DAPK1: variants seen among roughly 807,000 people sequenced by gnomAD.
The protein encoded by DAPK1 is death associated protein kinase 1.
In DAPK1, 56 loss-of-function variants were observed where a neutral mutation model predicts 144.9. The observed-to-expected ratio is 0.39, with a 90% CI of 0.31 to 0.48. DAPK1 has a LOEUF of 0.48. Among genes scored for constraint, DAPK1 ranks in the 20% least tolerant of loss-of-function variants. The probability of loss-of-function intolerance (pLI) is 0.95; values close to 1 mark genes in which losing one functional copy is unlikely to be tolerated. For synonymous variants in DAPK1, 690 were observed against 749.0 expected (o/e 0.92, Z 1.29); for missense variants, 1,454 against 1,875.4 (o/e 0.78, Z 4.15).
At chr9:87,603,516 G>T (rs1433161984) in intron 2 of DAPK1, among the ~76,000 whole-genome samples, 1 of 152,074 alleles carries the variant, frequency 6.6e-6, no homozygotes, top group African/African-American at 2.4e-5. Context: ...CTTCTTCACT[G>T]GCCTCCTACT....
At chr9:87,524,186 G>T (rs2118276268) in intron 2 of DAPK1, among the ~76,000 whole-genome samples, 1 of 152,296 alleles carries the variant, frequency 6.6e-6, no homozygotes, top group African/African-American at 2.4e-5. Context: ...GCCTCTCCCT[G>T]GGGGAAGGGG....
intron 9 of DAPK1, 53 bp from the exon 10 acceptor site, chr9:87,641,916 C>A: frequency 1.4e-6 from 2 of 1,447,324 alleles, no homozygotes; most frequent in Non-Finnish European, 1.9e-6. Context: ...TGTCATATAA[C>A]ACATTTTCAT....
intron 2 of DAPK1, among the ~76,000 whole-genome samples, chr9:87,571,535 C>T (rs36036435): frequency 0.054 from 3,962 of 73,754 alleles, 119 homozygotes; most frequent in Middle Eastern, 0.15. Flanking sequence ...ACACCAGAAG[C>T]GAAGCAGGCG....
chr9:87,628,034 G>T (rs1329677186), intron 3 of DAPK1, among the ~76,000 whole-genome samples: 1 of 152,160 alleles, frequency 6.6e-6, no homozygotes, highest in East Asian at 1.9e-4. Context: ...CCAGGCTACT[G>T]CCTGCAGTGC....
At chr9:87,663,903 T>C (rs36215393) in intron 18 of DAPK1, among the ~76,000 whole-genome samples, 3,524 of 152,062 alleles carry the variant, frequency 0.023, 121 homozygotes, top group African/African-American at 0.066. Context: ...CTCACCTATT[T>C]GCATCTAGCC....
intron 2 of DAPK1, among the ~76,000 whole-genome samples, chr9:87,599,743 C>T (rs1292554987): frequency 2.0e-5 from 3 of 152,166 alleles, no homozygotes; most frequent in Admixed American, 6.5e-5. Context: ...GTACAGTTGA[C>T]TTTCATTATG....
At chr9:87,528,635 T>C (rs749997640) in intron 2 of DAPK1, among the ~76,000 whole-genome samples, 7 of 152,018 alleles carry the variant, frequency 4.6e-5, no homozygotes, top group Non-Finnish European at 1.0e-4. Context: ...GAAGCCAAAC[T>C]GACCTTCCTA....
At position 87,605,045 on chromosome 9, in the gene DAPK1, A is replaced by C; in HGVS notation, c.154A>C (p.Ser52Arg). ...CATCAAGAAAAGGAGGACTAAGTCC[A>C]GCCGGCGGGGTGTGAGCCGCGAGGA... ...KFIKKRRTKS[S>R]RRGVSREDIE... Residue 52 changes from serine (S) to arginine (R), a missense_variant, in exon 3 of 26, where the codon AGC becomes CGC. Ser to Arg is a moderately radical substitution (Grantham distance 110). This residue lies in a region of DAPK1 where 429 missense variants were observed against 637.5 expected (regional missense o/e 0.67). Transcript: ENST00000408954. The C allele has an allele frequency of 6.2e-7, 1 of 1,614,260 alleles. No homozygotes were observed. Among genetic ancestry groups the C allele is most frequent in the East Asian group, 2.2e-5 (1 of 44,880 alleles).
intron 2 of DAPK1, among the ~76,000 whole-genome samples, chr9:87,603,808 C>T (rs1384515024): frequency 1.3e-5 from 2 of 152,140 alleles, no homozygotes; most frequent in Non-Finnish European, 2.9e-5. Flanking sequence ...TCAGTGGGGC[C>T]TGTGTACCTC....
chr9:87,670,124 A>C (rs1831206265), intron 19 of DAPK1, among the ~76,000 whole-genome samples: 1 of 152,138 alleles, frequency 6.6e-6, no homozygotes, highest in Non-Finnish European at 1.5e-5. Flanking sequence ...CTGTGTCATT[A>C]TGCCAGCGAA....
intron 18 of DAPK1, 161 bp from the exon 19 acceptor site, chr9:87,668,436 T>G (rs1231420550): frequency 4.6e-6 from 3 of 654,406 alleles, no homozygotes; most frequent in Non-Finnish European, 5.5e-6. Flanking sequence ...AAATAAGGAT[T>G]GCACAGCCAG....
At chr9:87,702,585 T>G (rs774539618) in intron 24 of DAPK1, among the ~76,000 whole-genome samples, 1 of 152,154 alleles carries the variant, frequency 6.6e-6, no homozygotes, top group Non-Finnish European at 1.5e-5. Flanking sequence ...TTGGTGAACA[T>G]TAGTTGATTG....
chr9:87,691,292 T>C (rs1825045775), intron 21 of DAPK1, among the ~76,000 whole-genome samples: 1 of 152,096 alleles, frequency 6.6e-6, no homozygotes, highest in Non-Finnish European at 1.5e-5. Flanking sequence ...TTGTTCATAA[T>C]AACCTCTGAT....
rs138654566 is a variant in DAPK1 at position 87,684,858 on chromosome 9, A to G, written c.2225-1693A>G. On this transcript the variant is annotated intron_variant, in intron 20 of 25. Transcript: ENST00000408954. The stretch of plus-strand genomic sequence containing the variant: ...AATTATTGTTTTCATAACACCTTGT[A>G]CAAAGCCTGTCCTAACCTTTTATCC... Among the ~76,000 whole-genome samples the G allele has an allele frequency of 6.6e-5, 10 of 152,304 alleles. No individual in the cohort carries two copies. The East Asian group carries it at 1.7e-3, about 26-fold the overall frequency.
At chr9:87,562,639 T>C (rs970116745) in intron 2 of DAPK1, among the ~76,000 whole-genome samples, 1 of 152,236 alleles carries the variant, frequency 6.6e-6, no homozygotes, top group Non-Finnish European at 1.5e-5. Context: ...AGTCATTTGC[T>C]ATCTCAAAGG....
intron 2 of DAPK1, among the ~76,000 whole-genome samples, chr9:87,502,530 T>C (rs1328618974): frequency 2.6e-5 from 4 of 152,220 alleles, no homozygotes; most frequent in Non-Finnish European, 5.9e-5. Flanking sequence ...CGGGCTCTAG[T>C]TACACCCTTG....
chr9:87,511,023 T>C (rs190917118), intron 2 of DAPK1, among the ~76,000 whole-genome samples: 1 of 152,122 alleles, frequency 6.6e-6, no homozygotes, highest in Non-Finnish European at 1.5e-5. Context: ...TGCTTCTGAA[T>C]CTGTGTTCCC....
intron 20 of DAPK1, among the ~76,000 whole-genome samples, chr9:87,683,102 A>C (rs1245654026): frequency 1.5e-5 from 2 of 132,096 alleles, no homozygotes; most frequent in Admixed American, 1.5e-4. Context: ...TTTTTTTTTG[A>C]GATGGAGTCT....
Position 87,552,718 on chromosome 9 carries a change from A to G in DAPK1, c.63-52236A>G, listed in dbSNP as rs562087373. Reference sequence around the variant, plus strand: ...GTGATCCTCCTGCCTCAGCCTCCCAAGTAGCTAGGACTATAGACATGCCCC... The same window carrying G: ...GTGATCCTCCTGCCTCAGCCTCCCAGGTAGCTAGGACTATAGACATGCCCC... On this transcript the variant is annotated intron_variant, in intron 2 of 25. Transcript: ENST00000408954. Among the ~76,000 whole-genome samples, 3 of 151,734 alleles carry G rather than the reference A, an allele frequency of 2.0e-5. No individual in the cohort carries two copies. In the South Asian group the frequency reaches 6.3e-4, roughly 32 times the overall value.
Sources: allele counts gnomAD v4.1 joint callset (sites outside exome capture counted in the v4.1 genomes callset), GRCh38; gene constraint gnomAD v4.1.1; regional missense constraint gnomAD v4.1.1; transcripts MANE v1.5; gene names NCBI Gene and HGNC (gene_info 2026-07-23, HGNC 2026-07-21).